UBXN2A: variants seen among roughly 807,000 people sequenced by gnomAD.
The protein encoded by UBXN2A is UBX domain protein 2A.
In UBXN2A, 28 loss-of-function variants were observed where a neutral mutation model predicts 28.4. The observed-to-expected ratio is 0.99, with a 90% CI of 0.73 to 1.35. The LOEUF is 1.35. Among genes scored for constraint, UBXN2A ranks in the 40% most tolerant of loss-of-function variants. UBXN2A has a pLI of 0.00. For synonymous variants in UBXN2A, 97 were observed against 103.6 expected, an observed-to-expected ratio of 0.94 and a Z score of 0.39; for missense variants, 253 against 297.9, an observed-to-expected ratio of 0.85 and a Z score of 1.11.
At chr2:23,957,822 G>A (rs907316578) in intron 1 of UBXN2A, among the ~76,000 whole-genome samples, 5 of 152,084 alleles carry the variant, frequency 3.3e-5, no homozygotes, top group Non-Finnish European at 5.9e-5. Context: ...CAACAAGAGC[G>A]GTACTCCATC....
intron 6 of UBXN2A, among the ~76,000 whole-genome samples, chr2:23,998,662 A>G (rs1289342692): frequency 5.9e-5 from 9 of 152,322 alleles, no homozygotes; most frequent in Non-Finnish European, 1.0e-4. Flanking sequence ...TGGAGGTTGC[A>G]GTGAGCCAAG....
intron 1 of UBXN2A, chr2:23,944,431 C>T (rs1293563379): frequency 2.1e-6 from 2 of 963,248 alleles, no homozygotes; most frequent in Middle Eastern, 2.8e-4. Flanking sequence ...TATCTCCACC[C>T]TGGGAAAAGT....
intron 6 of UBXN2A, among the ~76,000 whole-genome samples, chr2:23,997,305 AC>A (rs1459757045): frequency 6.6e-6 from 1 of 152,150 alleles, no homozygotes; most frequent in Non-Finnish European, 1.5e-5. Flanking sequence ...TTCTGAAAAT[AC>A]CTTTATACTT....
chr2:23,992,425 ACTTAG>A (rs1708387405), intron 6 of UBXN2A, among the ~76,000 whole-genome samples: 1 of 152,282 alleles, frequency 6.6e-6, no homozygotes, highest in East Asian at 1.9e-4. Context: ...ATTAAGGGGA[ACTTAG>A]CTTAGCCTGT....
intron 1 of UBXN2A, among the ~76,000 whole-genome samples, chr2:23,931,734 C>T (rs925244043): frequency 2.6e-5 from 4 of 152,108 alleles, no homozygotes; most frequent in South Asian, 4.1e-4. Context: ...AATGCAAGGC[C>T]GGGCACAGTG....
At chr2:23,998,963 T>G (rs1222203547) in intron 6 of UBXN2A, among the ~76,000 whole-genome samples, 1 of 152,192 alleles carries the variant, frequency 6.6e-6, no homozygotes, top group Non-Finnish European at 1.5e-5. Context: ...TTTATGTTCT[T>G]TGACATAAGC....
At chr2:23,969,772 A>G (rs1451268367) in intron 2 of UBXN2A, among the ~76,000 whole-genome samples, 2 of 152,150 alleles carry the variant, frequency 1.3e-5, no homozygotes, top group African/African-American at 2.4e-5. Flanking sequence ...GTGAGCTGTG[A>G]TCATGCAACT....
At chr2:23,958,490 TGAA>T (rs1295836305) in intron 2 of UBXN2A, 135 bp downstream of exon 2, 4 of 753,384 alleles carry the variant, frequency 5.3e-6, no homozygotes, top group Non-Finnish European at 7.6e-6. Flanking sequence ...TCTACTATGT[TGAA>T]GTAATTTTTT....
At chr2:23,983,522 G>T (rs1160317927) in intron 5 of UBXN2A, among the ~76,000 whole-genome samples, 9 of 151,940 alleles carry the variant, frequency 5.9e-5, no homozygotes, top group African/African-American at 2.2e-4. Flanking sequence ...AAAAAGAAAT[G>T]CCAGCAATAC....
At chr2:23,945,413 C>A (rs1706018099) in intron 1 of UBXN2A, among the ~76,000 whole-genome samples, 2 of 152,116 alleles carry the variant, frequency 1.3e-5, no homozygotes, top group Non-Finnish European at 2.9e-5. Flanking sequence ...ATATAGTAAA[C>A]CAGAATTCAC....
chr2:23,971,972 G>A (rs1707440810), intron 3 of UBXN2A, among the ~76,000 whole-genome samples: 1 of 152,046 alleles, frequency 6.6e-6, no homozygotes, highest in Non-Finnish European at 1.5e-5. Context: ...GGTGCCATGT[G>A]CCTGTAGTCC....
intron 3 of UBXN2A, 129 bp from the exon 4 acceptor site, chr2:23,976,840 C>T (rs976745333): frequency 2.2e-5 from 14 of 650,480 alleles, no homozygotes; most frequent in Non-Finnish European, 3.1e-5. Context: ...CTTGGCCTCC[C>T]GAAGTGCTGG....
chr2:23,998,504 GAGGTC>G (rs1295746996), intron 6 of UBXN2A, among the ~76,000 whole-genome samples: 2 of 152,248 alleles, frequency 1.3e-5, no homozygotes, highest in East Asian at 3.9e-4. Flanking sequence ...TGGATCACCT[GAGGTC>G]AGGAGTTCAA....
At chr2:23,959,392 T>G (rs1397627263) in intron 2 of UBXN2A, among the ~76,000 whole-genome samples, 1 of 152,038 alleles carries the variant, frequency 6.6e-6, no homozygotes, top group East Asian at 1.9e-4. Flanking sequence ...CTCAGGAGGC[T>G]GAGGCAGGAG....
At position 23,949,347 on chromosome 2, in the gene UBXN2A, G is replaced by A. The variant is rs533131115; in HGVS notation, c.-15+8699G>A. 1.4e-4 allele frequency among the ~76,000 whole-genome samples: 22 copies of A among 151,824 alleles called. No individual in the cohort carries two copies. The South Asian group carries it at 3.3e-3, about 23-fold the overall frequency. ...AGCACTGTGGGAGGCCGAGGTGGGC[G>A]GATCATGAGGTCAGGAGATGGAGAC... On this transcript the variant is annotated intron_variant, in intron 1 of 6. Coordinates refer to ENST00000309033, the MANE Select transcript of UBXN2A (RefSeq NM_181713.4).
chr2:23,979,313 C>T (rs1325816576), intron 4 of UBXN2A, among the ~76,000 whole-genome samples: 2 of 151,980 alleles, frequency 1.3e-5, no homozygotes, highest in Non-Finnish European at 2.9e-5. Flanking sequence ...CTACTGCACT[C>T]CAGCCTGGGC....
At chr2:23,979,011 T>C (rs1312621603) in intron 4 of UBXN2A, among the ~76,000 whole-genome samples, 1 of 151,862 alleles carries the variant, frequency 6.6e-6, no homozygotes, top group Non-Finnish European at 1.5e-5. Flanking sequence ...AATCTAAGTA[T>C]TATACATGCT....
intron 6 of UBXN2A, among the ~76,000 whole-genome samples, chr2:23,987,502 G>A: frequency 6.6e-6 from 1 of 152,150 alleles, no homozygotes; most frequent in Non-Finnish European, 1.5e-5. Context: ...AAAAGGACCT[G>A]GCACGGTGGC....
intron 1 of UBXN2A, among the ~76,000 whole-genome samples, chr2:23,955,420 C>G (rs1382343479): frequency 6.6e-6 from 1 of 152,162 alleles, no homozygotes; most frequent in Admixed American, 6.5e-5. Flanking sequence ...ATGTCACCCT[C>G]AAGAGTTTAA....
Sources: gnomAD v4.1 joint callset for allele counts (sites outside exome capture counted in the v4.1 genomes callset) on GRCh38, gnomAD v4.1.1 for gene constraint, MANE v1.5 for transcripts, NCBI Gene and HGNC (gene_info 2026-07-23, HGNC 2026-07-21) for gene names.